The following TRAPPC9 variants were observed in gnomAD, a reference collection of about 807,000 sequenced individuals.
The protein encoded by TRAPPC9 is IKK2 binding protein.
TRAPPC9 carries 83 observed loss-of-function variants against 124.0 expected under a neutral mutation model. The observed-to-expected ratio is 0.67, with a 90% confidence interval of 0.56 to 0.80. The LOEUF (loss-of-function observed/expected upper bound fraction) is 0.80. Ranked by LOEUF, TRAPPC9 falls within the 30% of genes least tolerant of loss-of-function variation. The pLI, the probability that TRAPPC9 is intolerant of heterozygous loss-of-function variation, is 0.00. For synonymous variants in TRAPPC9, 638 were observed against 617.5 expected (o/e 1.03, Z -0.49); for missense variants, 1,302 against 1,508.3 (o/e 0.86, Z 2.27).
intron 19 of TRAPPC9, among the ~76,000 whole-genome samples, chr8:139,969,050 A>T (rs566598580): frequency 6.6e-6 from 1 of 152,390 alleles, no homozygotes; most frequent in African/African-American, 2.4e-5. Flanking sequence ...ATGTGTGAAC[A>T]CAGCCACATT....
At chr8:140,210,543 G>GC (rs1563848738) in intron 17 of TRAPPC9, among the ~76,000 whole-genome samples, 1 of 149,686 alleles carries the variant, frequency 6.7e-6, no homozygotes, top group Non-Finnish European at 1.5e-5. Flanking sequence ...GTCCCCCCAC[G>GC]CCCCCGCTAG....
chr8:140,243,517 G>A (rs957540557), intron 16 of TRAPPC9, among the ~76,000 whole-genome samples: 2 of 152,168 alleles, frequency 1.3e-5, no homozygotes, highest in African/African-American at 4.8e-5. Flanking sequence ...ATGTTTAGTG[G>A]GAGAGCCCTA....
Position 139,796,445 on chromosome 8 carries a change from G to A in TRAPPC9, c.3056-64243C>T, listed in dbSNP as rs367849348. 1.2e-4 allele frequency among the ~76,000 whole-genome samples: 18 copies of A among 152,138 alleles called. 1 individual carries two copies. The highest frequency in any genetic ancestry group is 1.1e-3 in the Admixed American group (17 of 15,280). The stretch of plus-strand genomic sequence containing the variant: ...CCCCACCAGCCAGCAACCACTCCTT[G>A]AATGCATGTGTCTACGAATTTGTCA... On this transcript the variant is annotated intron_variant, in intron 21 of 22. Transcript: ENST00000438773.
At chr8:140,046,394 C>A (rs1289352764) in intron 17 of TRAPPC9, among the ~76,000 whole-genome samples, 1 of 152,266 alleles carries the variant, frequency 6.6e-6, no homozygotes, top group Non-Finnish European at 1.5e-5. Context: ...ATGGACAGGG[C>A]GGGCAGGCCA....
At chr8:140,184,161 C>T (rs1319562348) in intron 17 of TRAPPC9, among the ~76,000 whole-genome samples, 1 of 152,132 alleles carries the variant, frequency 6.6e-6, no homozygotes, top group Non-Finnish European at 1.5e-5. Context: ...AGAAACAGGG[C>T]AGACATATCC....
At chr8:140,311,457 T>G in intron 9 of TRAPPC9, 83 bp from the exon 10 acceptor site, 1 of 1,541,914 alleles carries the variant, frequency 6.5e-7, no homozygotes, top group Non-Finnish European at 8.8e-7. Context: ...GGGCATTTCA[T>G]GACAGTCCAG....
intron 8 of TRAPPC9, among the ~76,000 whole-genome samples, chr8:140,364,592 T>C (rs1270412032): frequency 6.6e-6 from 1 of 152,144 alleles, no homozygotes; most frequent in African/African-American, 2.4e-5. Context: ...TCTTAGCATT[T>C]TTTTTTTCGA....
intron 21 of TRAPPC9, among the ~76,000 whole-genome samples, chr8:139,817,472 G>A (rs926854246): frequency 6.6e-6 from 1 of 152,210 alleles, no homozygotes; most frequent in Non-Finnish European, 1.5e-5. Context: ...GCGATTCAGT[G>A]CTGCTCCAGG....
Position 140,290,855 on chromosome 8 carries a change from A to C in TRAPPC9, c.1854+138T>G, listed in dbSNP as rs936029503. 12 of 736,448 alleles carry C rather than the reference A, an allele frequency of 1.6e-5. No homozygotes were observed. The African/African-American group carries it at 1.7e-4, about 11-fold the overall frequency. The allele number at this position is 736,448 out of a possible 1,614,324, so 45.6% of individuals were successfully genotyped here. A position where few individuals can be genotyped will look rare whatever the true frequency, so the allele number is the denominator to read the frequency against. On this transcript the variant is annotated intron_variant, in intron 12 of 22. Transcript: ENST00000438773. ...ACAAAACATGGTCTTCATTTACAAT[A>C]AGCTTATATGCTTTGGCAAAACAAA...
chr8:139,896,063 G>C (rs1288008702), intron 20 of TRAPPC9, among the ~76,000 whole-genome samples: 1 of 152,166 alleles, frequency 6.6e-6, no homozygotes, highest in Non-Finnish European at 1.5e-5. Context: ...TTTGCTTTCG[G>C]ACATGAGCCA....
intron 19 of TRAPPC9, among the ~76,000 whole-genome samples, chr8:139,941,842 G>T (rs897173888): frequency 6.6e-6 from 1 of 152,226 alleles, no homozygotes; most frequent in African/African-American, 2.4e-5. Context: ...CCGGGCATGG[G>T]TTTGCCACAC....
At chr8:140,151,816 G>A (rs2061547645) in intron 17 of TRAPPC9, among the ~76,000 whole-genome samples, 2 of 152,168 alleles carry the variant, frequency 1.3e-5, no homozygotes, top group South Asian at 4.1e-4. Flanking sequence ...CACAATGACA[G>A]CAATATCTGT....
chr8:140,427,400 CACACAT>C (rs2070467516), intron 4 of TRAPPC9, among the ~76,000 whole-genome samples: 1 of 151,994 alleles, frequency 6.6e-6, no homozygotes, highest in Admixed American at 6.6e-5. Context: ...CACACACACA[CACACAT>C]ACACACACAG....
intron 21 of TRAPPC9, among the ~76,000 whole-genome samples, chr8:139,817,985 A>G (rs1824974316): frequency 6.6e-6 from 1 of 152,208 alleles, no homozygotes; most frequent in South Asian, 2.1e-4. Context: ...TCCACAATTT[A>G]TTCTTAAGCT....
At chr8:140,147,916 G>A (rs79491783) in intron 17 of TRAPPC9, among the ~76,000 whole-genome samples, 4,157 of 152,326 alleles carry the variant, frequency 0.027, 180 homozygotes, top group African/African-American at 0.093. Context: ...CCAGGCACAC[G>A]GAGGTGCTGG....
intron 17 of TRAPPC9, chr8:140,099,473 A>T (rs2060530220): frequency 6.6e-6 from 1 of 150,396 alleles, no homozygotes; most frequent in South Asian, 2.1e-4. Context: ...TCCACAGGGG[A>T]CGACGCACAG....
At chr8:139,952,172 A>C (rs1190103172) in intron 19 of TRAPPC9, among the ~76,000 whole-genome samples, 1 of 152,196 alleles carries the variant, frequency 6.6e-6, no homozygotes, top group East Asian at 1.9e-4. Context: ...TTTGTGGCTA[A>C]AGCCCTGATC....
At chr8:140,210,153 C>T (rs1217888367) in intron 17 of TRAPPC9, among the ~76,000 whole-genome samples, 1 of 152,234 alleles carries the variant, frequency 6.6e-6, no homozygotes, top group African/African-American at 2.4e-5. Flanking sequence ...CTGGGCGTGC[C>T]AGCCTAGCAG....
intron 19 of TRAPPC9, among the ~76,000 whole-genome samples, chr8:139,942,126 G>A (rs574636876): frequency 7.9e-5 from 12 of 152,294 alleles, no homozygotes; most frequent in African/African-American, 2.4e-4. Flanking sequence ...CTGGGCTGAC[G>A]GATATGAGAA....
Sources: gnomAD v4.1 joint callset for allele counts (sites outside exome capture counted in the v4.1 genomes callset) on GRCh38, gnomAD v4.1.1 for gene constraint, MANE v1.5 for transcripts, NCBI Gene and HGNC (gene_info 2026-07-23, HGNC 2026-07-21) for gene names.